BMERB1: variants seen among roughly 807,000 people sequenced by gnomAD.
BMERB1 encodes the protein bMERB domain-containing protein 1.
BMERB1 carries 12 observed loss-of-function variants against 23.6 expected under a neutral mutation model. The ratio of observed to expected loss-of-function variants is 0.51; its 90% CI spans 0.33 to 0.82. BMERB1 has a LOEUF of 0.82. BMERB1 is among the 40% of genes least tolerant of loss of function. BMERB1 has a pLI of 0.03. For synonymous variants in BMERB1, 122 were observed against 96.6 expected (o/e 1.26, Z -1.54); for missense variants, 247 against 255.4 (o/e 0.97, Z 0.22).
chr16:15,470,707 G>A (rs559675051), intron 1 of BMERB1, among the ~76,000 whole-genome samples: 19 of 151,270 alleles, frequency 1.3e-4, no homozygotes, highest in African/African-American at 3.9e-4. Context: ...TTGTATTTTA[G>A]TAGAGACGGG....
intron 2 of BMERB1, among the ~76,000 whole-genome samples, chr16:15,565,957 C>T (rs2030551964): frequency 6.6e-6 from 1 of 152,160 alleles, no homozygotes; most frequent in Non-Finnish European, 1.5e-5. Flanking sequence ...AAATATCAAG[C>T]CCTTTGTACA....
intron 1 of BMERB1, among the ~76,000 whole-genome samples, chr16:15,452,631 G>A (rs1008191470): frequency 1.3e-5 from 2 of 152,138 alleles, no homozygotes; most frequent in Non-Finnish European, 2.9e-5. Context: ...TAGAAGAAAC[G>A]CTGACTCGTA....
At chr16:15,524,564 TC>T (rs1253450913) in intron 2 of BMERB1, among the ~76,000 whole-genome samples, 2 of 152,080 alleles carry the variant, frequency 1.3e-5, no homozygotes, top group Non-Finnish European at 2.9e-5. Flanking sequence ...AATCAGGAGT[TC>T]CAGACCAGCC....
chr16:15,536,766 T>C (rs554151326), intron 2 of BMERB1: 1 of 152,366 alleles, frequency 6.6e-6, no homozygotes, highest in African/African-American at 2.4e-5. Context: ...AGCCTGGTCA[T>C]TGAGAGTCTT....
intron 1 of BMERB1, among the ~76,000 whole-genome samples, chr16:15,436,955 A>C (rs2050893955): frequency 2.0e-5 from 3 of 152,220 alleles, no homozygotes; most frequent in East Asian, 1.9e-4. Flanking sequence ...TAAAATAAAA[A>C]ATTTAAATAT....
Position 15,586,754 on chromosome 16 carries a change from C to T in BMERB1, c.540C>T (p.Ser180=). 1 of 1,612,450 alleles carries T rather than the reference C, an allele frequency of 6.2e-7. No homozygotes were observed. Among genetic ancestry groups the T allele is most frequent in the South Asian group, 1.1e-5 (1 of 90,498 alleles). Residue 180 remains serine, a synonymous_variant, in exon 6 of 6, where the codon AGC becomes AGT. Transcript: ENST00000300006. The stretch of plus-strand genomic sequence containing the variant: ...AGAAGAAAGCAGAGCCCCCACCTAG[C>T]AAGCCCACGGTGGCCAAGACGGGGC... ...RAEKKAEPPP[S]KPTVAKTGLA...
chr16:15,437,735 G>T (rs1017616042), intron 1 of BMERB1, among the ~76,000 whole-genome samples: 3 of 152,096 alleles, frequency 2.0e-5, no homozygotes, highest in African/African-American at 7.2e-5. Context: ...GAGGCGGGCG[G>T]ATCACAAGGT....
intron 2 of BMERB1, among the ~76,000 whole-genome samples, chr16:15,551,425 C>T (rs1254619316): frequency 6.6e-6 from 1 of 152,134 alleles, no homozygotes; most frequent in African/African-American, 2.4e-5. Flanking sequence ...TCTGGAATGC[C>T]TAGATGTCAA....
chr16:15,543,238 T>G (rs1366578212), intron 2 of BMERB1, among the ~76,000 whole-genome samples: 1 of 152,030 alleles, frequency 6.6e-6, no homozygotes, highest in Non-Finnish European at 1.5e-5. Context: ...AGACACTTCT[T>G]CTCTTCTCTC....
At chr16:15,490,670 T>C (rs1308611238) in intron 1 of BMERB1, among the ~76,000 whole-genome samples, 1 of 152,146 alleles carries the variant, frequency 6.6e-6, no homozygotes, top group Non-Finnish European at 1.5e-5. Flanking sequence ...CTGGGATTCA[T>C]CCATCAAACA....
chr16:15,565,426 A>C (rs930515768), intron 2 of BMERB1, among the ~76,000 whole-genome samples: 12 of 152,182 alleles, frequency 7.9e-5, no homozygotes, highest in African/African-American at 2.7e-4. Flanking sequence ...TCTTTGTAAC[A>C]TCTGAAATAT....
chr16:15,471,985 TTTAAG>T (rs1249207167), intron 1 of BMERB1, among the ~76,000 whole-genome samples: 5 of 152,248 alleles, frequency 3.3e-5, no homozygotes, highest in African/African-American at 1.2e-4. Flanking sequence ...GGTTCTATTC[TTTAAG>T]TTTTGTTTTA....
intron 1 of BMERB1, among the ~76,000 whole-genome samples, chr16:15,437,733 C>T (rs913651877): frequency 2.6e-5 from 4 of 152,166 alleles, no homozygotes; most frequent in East Asian, 1.9e-4. Context: ...CCGAGGCGGG[C>T]GGATCACAAG....
intron 2 of BMERB1, among the ~76,000 whole-genome samples, chr16:15,521,171 A>G (rs2051848742): frequency 1.3e-5 from 2 of 152,320 alleles, no homozygotes; most frequent in Middle Eastern, 3.4e-3. Context: ...TTCCTTGGCA[A>G]TACTCATCTT....
chr16:15,531,187 G>A (rs1164978187), intron 2 of BMERB1, among the ~76,000 whole-genome samples: 1 of 152,092 alleles, frequency 6.6e-6, no homozygotes, highest in African/African-American at 2.4e-5. Flanking sequence ...GATTACAGGT[G>A]TGAGCCATCA....
intron 1 of BMERB1, among the ~76,000 whole-genome samples, chr16:15,444,539 G>T (rs936340671): frequency 3.3e-5 from 5 of 152,068 alleles, no homozygotes; most frequent in African/African-American, 1.2e-4. Context: ...ACAGAATAAT[G>T]CCAGGAAAGC....
At chr16:15,513,927 C>T (rs903719318) in intron 1 of BMERB1, among the ~76,000 whole-genome samples, 2 of 151,990 alleles carry the variant, frequency 1.3e-5, no homozygotes, top group Non-Finnish European at 2.9e-5. Context: ...GTGTATATTA[C>T]ACATATTATA....
chr16:15,481,910 T>C (rs171720), intron 1 of BMERB1, among the ~76,000 whole-genome samples: 46,494 of 151,102 alleles, frequency 0.31, 7,859 homozygotes, highest in East Asian at 0.56. Flanking sequence ...TTTTTTTTTT[T>C]AGTAGAGACG....
intron 1 of BMERB1, among the ~76,000 whole-genome samples, chr16:15,463,579 C>G (rs1475102171): frequency 6.6e-6 from 1 of 152,162 alleles, no homozygotes; most frequent in African/African-American, 2.4e-5. Flanking sequence ...TGAGGTCTTA[C>G]TCACACTCTG....
Sources: allele counts gnomAD v4.1 joint callset (sites outside exome capture counted in the v4.1 genomes callset), GRCh38; gene constraint gnomAD v4.1.1; transcripts MANE v1.5; gene names NCBI Gene and HGNC (gene_info 2026-07-23, HGNC 2026-07-21).